Variants in PUM2 observed in about 807,000 individuals in gnomAD.
The protein encoded by PUM2 is pumilio homolog 2.
PUM2 carries 57 observed loss-of-function variants against 124.5 expected under a neutral mutation model. The observed-to-expected ratio is 0.46, with a 90% confidence interval of 0.37 to 0.57. PUM2 has a LOEUF of 0.57. Ranked by LOEUF, PUM2 falls within the 20% of genes least tolerant of loss-of-function variation. The probability of loss-of-function intolerance (pLI) is 0.00; values close to 1 mark genes in which losing one functional copy is unlikely to be tolerated. For synonymous variants in PUM2, 460 were observed against 446.1 expected (o/e 1.03, Z -0.39); for missense variants, 1,065 against 1,290.6 (o/e 0.83, Z 2.68).
In PUM2 at chr2:20,318,589, T is replaced by C; in HGVS notation, c.108A>G (p.Lys36=). ...ATTCATCATCCCCAAGAAATATGCC[T>C]TTTTGTCCATCTTTTGTTGAATCAT... ...EPDDSTKDGQ[K]GIFLGDDEWR... Residue 36 remains lysine, a synonymous_variant, in exon 3 of 21, where the codon AAA becomes AAG. Transcript: ENST00000361078. The C allele has an allele frequency of 6.2e-7, 1 of 1,613,762 alleles. No homozygotes were observed. Among genetic ancestry groups the C allele is most frequent in the Non-Finnish European group, 8.5e-7 (1 of 1,179,914 alleles).
intron 5 of PUM2, among the ~76,000 whole-genome samples, chr2:20,311,196 AAC>A (rs1410713063): frequency 5.3e-5 from 8 of 152,142 alleles, no homozygotes; most frequent in African/African-American, 1.9e-4. Context: ...ACTAAAATTT[AAC>A]AGAGAGGAAA....
intron 9 of PUM2, 33 bp downstream of exon 9, chr2:20,294,343 T>C (rs1167004492): frequency 6.2e-7 from 1 of 1,602,842 alleles, no homozygotes. Context: ...TTTCAAAGAA[T>C]ACTTGGTATT....
At chr2:20,268,535 T>C (rs940187781) in intron 13 of PUM2, among the ~76,000 whole-genome samples, 1 of 152,126 alleles carries the variant, frequency 6.6e-6, no homozygotes, top group Admixed American at 6.5e-5. Context: ...GGAGAATTGC[T>C]TGAACCCAGG....
At chr2:20,272,994 T>C (rs1305792106) in intron 13 of PUM2, among the ~76,000 whole-genome samples, 5 of 152,232 alleles carry the variant, frequency 3.3e-5, no homozygotes, top group Admixed American at 6.5e-5. Context: ...TTTTATGTTA[T>C]TTGGCTAACA....
At chr2:20,286,284 A>C (rs1475245887) in intron 10 of PUM2, among the ~76,000 whole-genome samples, 1 of 152,206 alleles carries the variant, frequency 6.6e-6, no homozygotes, top group Non-Finnish European at 1.5e-5. Flanking sequence ...GTCAAAATAG[A>C]AGTGACAGTA....
intron 1 of PUM2, among the ~76,000 whole-genome samples, chr2:20,328,450 G>C (rs2148878135): frequency 6.6e-6 from 1 of 152,222 alleles, no homozygotes; most frequent in East Asian, 1.9e-4. Context: ...GTAATTACTA[G>C]ACAGGTGAGA....
chr2:20,260,449 A>G lies in PUM2; in HGVS notation c.2243T>C (p.Leu748Pro). 1 of 1,609,144 alleles carries G rather than the reference A, an allele frequency of 6.2e-7. No individual in the cohort carries two copies. The highest frequency in any genetic ancestry group is 8.5e-7 in the Non-Finnish European group (1 of 1,176,118). ...TCGCTCAGCTGGAGTAGCTCTCTCT[A>G]GTTTTTGCTGTATGAATCTACATAG... is the stretch of plus-strand genomic sequence containing the variant. ...QHGSRFIQQK[L>P]ERATPAERQM... Residue 748 changes from leucine (L) to proline (P), a missense_variant, in exon 15 of 21, where the codon CTA becomes CCA. Leu to Pro is a moderately conservative substitution (Grantham distance 98). This residue lies in a region of PUM2 where 968 missense variants were observed against 1,159.8 expected (regional missense o/e 0.83). Coordinates refer to ENST00000361078, the MANE Select transcript of PUM2 (RefSeq NM_015317.5).
In PUM2 at chr2:20,250,746, A is replaced by C. The variant is rs541381936; in HGVS notation, c.*839T>G. 6.6e-6 allele frequency: 1 copy of C among 152,608 alleles called. No homozygotes were observed. Among genetic ancestry groups the C allele is most frequent in the Non-Finnish European group, 1.5e-5 (1 of 67,986 alleles). The allele number at this position is 152,608 out of a possible 1,614,324, so 9.5% of individuals were successfully genotyped here. A position where few individuals can be genotyped will look rare whatever the true frequency, so the allele number is the denominator to read the frequency against. On this transcript the variant is annotated 3_prime_UTR_variant, in exon 21 of 21. Transcript: ENST00000361078. ...TTCCTCAACATGTCTGTAATTCTAT[A>C]AGCAAAACAAAATACAAATTTCCAC... is the stretch of plus-strand genomic sequence containing the variant.
intron 20 of PUM2, among the ~76,000 whole-genome samples, chr2:20,252,975 A>T (rs1032035203): frequency 3.9e-5 from 6 of 152,230 alleles, no homozygotes; most frequent in Non-Finnish European, 7.3e-5. Flanking sequence ...AGTAATCTTG[A>T]GATGAGTATA....
At chr2:20,260,728 A>C (rs1665980201) in intron 14 of PUM2, among the ~76,000 whole-genome samples, 2 of 152,210 alleles carry the variant, frequency 1.3e-5, no homozygotes, top group African/African-American at 4.8e-5. Context: ...ATCAATAAGA[A>C]AATTACGTAA....
At chr2:20,348,667 C>T (rs1158582916) in intron 1 of PUM2, among the ~76,000 whole-genome samples, 1 of 152,242 alleles carries the variant, frequency 6.6e-6, no homozygotes, top group Non-Finnish European at 1.5e-5. Context: ...TGGTGGCTCA[C>T]GCCTGTAATC....
intron 5 of PUM2, among the ~76,000 whole-genome samples, chr2:20,309,493 C>T (rs777395799): frequency 1.3e-5 from 2 of 150,828 alleles, no homozygotes; most frequent in Admixed American, 6.6e-5. Flanking sequence ...AATTCATTAA[C>T]ACTGGACTAA....
intron 2 of PUM2, among the ~76,000 whole-genome samples, chr2:20,322,745 G>GT (rs1682673305): frequency 6.6e-6 from 1 of 152,186 alleles, no homozygotes; most frequent in African/African-American, 2.4e-5. Flanking sequence ...AGAGGTTGCA[G>GT]TAAGTTGAGA....
At position 20,251,449 on chromosome 2, in the gene PUM2, G is replaced by T; in HGVS notation, c.*136C>A. The T allele has an allele frequency of 2.9e-5, 31 of 1,065,228 alleles. No individual in the cohort carries two copies. Among genetic ancestry groups the T allele is most frequent in the Middle Eastern group, 2.4e-4 (1 of 4,226 alleles). The allele number at this position is 1,065,228 out of a possible 1,614,324, so 66.0% of individuals were successfully genotyped here. ...CAAGAACCTTAAAAAATTTACAAATGGATGAATAAAGTCAATAAATAGTTT... is the reference window on the plus strand; with the variant it reads ...CAAGAACCTTAAAAAATTTACAAATTGATGAATAAAGTCAATAAATAGTTT... On this transcript the variant is annotated 3_prime_UTR_variant, in exon 21 of 21. Transcript: ENST00000361078.
At chr2:20,280,119 G>A (rs1229416050) in intron 12 of PUM2, among the ~76,000 whole-genome samples, 2 of 152,018 alleles carry the variant, frequency 1.3e-5, no homozygotes, top group African/African-American at 4.8e-5. Flanking sequence ...GTAGACCAAG[G>A]TAAGAGTATA....
chr2:20,278,891 T>C, intron 12 of PUM2, 72 bp from the exon 13 acceptor site: 1 of 1,117,354 alleles, frequency 8.9e-7, no homozygotes, highest in Non-Finnish European at 1.3e-6. Flanking sequence ...CAACTCTCGC[T>C]GGGCAATAAC....
Position 20,251,619 on chromosome 2 carries a change from C to T in PUM2, c.3161G>A (p.Gly1054Glu). Reference protein sequence around the residue: ...KYYLKNSPDLGPIGGPPNGML With the variant: ...KYYLKNSPDLEPIGGPPNGML Reference sequence around the variant, plus strand: ...TCCATTTGGTGGTCCTCCAATAGGTCCTAGGTCCGGGCTATTCTTCAAATA... The same window carrying T: ...TCCATTTGGTGGTCCTCCAATAGGTTCTAGGTCCGGGCTATTCTTCAAATA... Residue 1054 changes from glycine (G) to glutamate (E), a missense_variant, in exon 21 of 21, where the codon GGA becomes GAA. Coordinates refer to ENST00000361078, the MANE Select transcript of PUM2 (RefSeq NM_015317.5). The T allele has an allele frequency of 1.2e-6, 2 of 1,613,856 alleles. No individual in the cohort carries two copies. The highest frequency in any genetic ancestry group is 3.3e-4 in the Middle Eastern group (2 of 6,060).
Position 20,282,972 on chromosome 2 carries a change from T to G in PUM2, c.1695A>C (p.Ser565=). 3.7e-6 allele frequency: 6 copies of G among 1,613,978 alleles called. No individual in the cohort carries two copies. The highest frequency in any genetic ancestry group is 5.1e-6 in the Non-Finnish European group (6 of 1,179,998). Reference sequence around the variant, plus strand: ...CTGATGAACCAAATCCACTGAGGGCTGAGCCTATAGCAGCACCCAAAGAGT... The same window carrying G: ...CTGATGAACCAAATCCACTGAGGGCGGAGCCTATAGCAGCACCCAAAGAGT... ...SGNSLGAAIG[S]ALSGFGSSVG... is the part of the protein sequence containing the mutation. Residue 565 remains serine (S), a synonymous_variant, in exon 12 of 21, where the codon TCA becomes TCC. Coordinates refer to ENST00000361078, the MANE Select transcript of PUM2 (RefSeq NM_015317.5).
intron 4 of PUM2, among the ~76,000 whole-genome samples, chr2:20,311,917 T>C (rs1001154417): frequency 2.0e-5 from 3 of 152,194 alleles, no homozygotes; most frequent in African/African-American, 7.2e-5. Flanking sequence ...AGATTAAAAT[T>C]TTCTTTAATG....
Sources: allele counts gnomAD v4.1 joint callset (sites outside exome capture counted in the v4.1 genomes callset), GRCh38; gene constraint gnomAD v4.1.1; regional missense constraint gnomAD v4.1.1; transcripts MANE v1.5; gene names NCBI Gene and HGNC (gene_info 2026-07-23, HGNC 2026-07-21).